The following ADGRG6 variants were observed in gnomAD, a reference collection of about 807,000 sequenced individuals.
ADGRG6 encodes adhesion G protein-coupled receptor G6.
Under a neutral mutation model 142.4 loss-of-function variants are expected in ADGRG6, and 84 were observed. The ratio of observed to expected loss-of-function variants is 0.59; its 90% confidence interval spans 0.49 to 0.71. ADGRG6 has a LOEUF of 0.71. Ranked by LOEUF, ADGRG6 falls within the 30% of genes least tolerant of loss-of-function variation. The probability of loss-of-function intolerance (pLI) is 0.00; values close to 1 mark genes in which losing one functional copy is unlikely to be tolerated. For missense variants in ADGRG6, 1,367 were observed against 1,466.6 expected (o/e 0.93, Z 1.11); for synonymous variants, 521 against 520.5 (o/e 1.00, Z -0.01).
intron 9 of ADGRG6, 143 bp downstream of exon 9, chr6:142,394,101 C>A (rs1775048682): frequency 1.8e-6 from 1 of 556,556 alleles, no homozygotes; most frequent in East Asian, 2.9e-5. Context: ...CTGTACACTA[C>A]TTTTTTCTTG....
intron 21 of ADGRG6, 109 bp from the exon 22 acceptor site, chr6:142,419,712 G>C (rs1776559733): frequency 1.3e-6 from 1 of 771,450 alleles, no homozygotes; most frequent in South Asian, 1.9e-5. Flanking sequence ...GCTTTCTAAA[G>C]ACATTTGAGA....
intron 22 of ADGRG6, among the ~76,000 whole-genome samples, chr6:142,435,996 T>A (rs941836968): frequency 6.6e-6 from 1 of 151,930 alleles, no homozygotes; most frequent in Non-Finnish European, 1.5e-5. Flanking sequence ...GATGTGTGTG[T>A]GTTTGAGGGT....
intron 24 of ADGRG6, among the ~76,000 whole-genome samples, chr6:142,440,530 A>G (rs909981029): frequency 2.0e-5 from 3 of 152,152 alleles, no homozygotes; most frequent in Non-Finnish European, 4.4e-5. Flanking sequence ...TCCTGGGCTC[A>G]AGGAATTTTC....
Position 142,411,249 on chromosome 6 carries a change from TTA to T in ADGRG6, c.2435-53_2435-52del. The T allele has an allele frequency of 4.4e-6, 4 of 910,248 alleles. No homozygotes were observed. The South Asian group carries it at 5.2e-5, about 12-fold the overall frequency. The allele number at this position is 910,248 out of a possible 1,614,324, so 56.4% of individuals were successfully genotyped here. On this transcript the variant is annotated intron_variant, in intron 17 of 24. Coordinates refer to ENST00000367609, the MANE Select transcript of ADGRG6 (RefSeq NM_198569.3). ...ATTTCTCTATAGAAGGTCTCATCCA[TTA>T]TAGAGAAGAAACTGACCTGCTGTTT...
chr6:142,393,963 C>G lies in ADGRG6; in HGVS notation c.1424+5C>G, dbSNP rs769717686. 139 of 1,519,674 alleles carry G rather than the reference C, an allele frequency of 9.1e-5. 1 individual carries two copies. The highest frequency in any genetic ancestry group is 9.0e-7 in the Non-Finnish European group (1 of 1,113,822). The allele number at this position is 1,519,674 out of a possible 1,614,324, so 94.1% of individuals were successfully genotyped here. A position where few individuals can be genotyped will look rare whatever the true frequency, so the allele number is the denominator to read the frequency against. On this transcript the variant is annotated splice_donor_5th_base_variant and intron_variant, in intron 9 of 24. Coordinates refer to ENST00000367609, the MANE Select transcript of ADGRG6 (RefSeq NM_198569.3). Reference sequence around the variant, plus strand: ...AAGCCTTGAGGATGAGCCAAGGTAACAGGACAAAGTATTGTAAAGAGTATA... The same window carrying G: ...AAGCCTTGAGGATGAGCCAAGGTAAGAGGACAAAGTATTGTAAAGAGTATA...
chr6:142,338,044 G>A (rs1303099210), intron 2 of ADGRG6, among the ~76,000 whole-genome samples: 5 of 2,204 alleles, frequency 2.3e-3, no homozygotes, highest in Admixed American at 0.011. Flanking sequence ...TTTTTGAGAC[G>A]GAGTCTCGCT....
intron 2 of ADGRG6, among the ~76,000 whole-genome samples, chr6:142,335,598 G>A (rs1348966523): frequency 2.6e-5 from 4 of 152,098 alleles, no homozygotes; most frequent in Non-Finnish European, 4.4e-5. Flanking sequence ...AGTGGTGCAT[G>A]GAACAGAGGT....
intron 2 of ADGRG6, among the ~76,000 whole-genome samples, chr6:142,328,046 C>A (rs771063462): frequency 3.9e-5 from 6 of 152,080 alleles, no homozygotes; most frequent in Middle Eastern, 3.4e-3. Flanking sequence ...AAGTGCCAGC[C>A]CTATGGGAAA....
intron 11 of ADGRG6, among the ~76,000 whole-genome samples, chr6:142,401,199 T>C (rs1775505367): frequency 6.6e-6 from 1 of 152,210 alleles, no homozygotes; most frequent in Admixed American, 6.5e-5. Flanking sequence ...CTTTGCATAC[T>C]ATAAATATTG....
In ADGRG6 at chr6:142,337,435, A is replaced by C. The variant is rs537401765; in HGVS notation, c.103+27791A>C. Among the ~76,000 whole-genome samples the C allele has an allele frequency of 1.9e-4, 29 of 152,312 alleles. No homozygotes were observed. The South Asian group carries it at 5.6e-3, about 29-fold the overall frequency. Reference sequence around the variant, plus strand: ...GTGCTGCACTGGGACTCAAGCTATGAAACCAAAACAAACCAGAAAAATGGC... The same window carrying C: ...GTGCTGCACTGGGACTCAAGCTATGCAACCAAAACAAACCAGAAAAATGGC... On this transcript the variant is annotated intron_variant, in intron 2 of 24. Transcript: ENST00000367609.
intron 18 of ADGRG6, among the ~76,000 whole-genome samples, chr6:142,412,036 C>A (rs969526072): frequency 1.3e-5 from 2 of 152,052 alleles, no homozygotes; most frequent in African/African-American, 4.8e-5. Flanking sequence ...CTTCCATGCC[C>A]CTGTTTTATC....
At chr6:142,348,273 A>G (rs571782382) in intron 2 of ADGRG6, among the ~76,000 whole-genome samples, 1 of 152,326 alleles carries the variant, frequency 6.6e-6, no homozygotes, top group East Asian at 1.9e-4. Flanking sequence ...AATACATCAA[A>G]GGGAATATGA....
chr6:142,318,093 T>G (rs369320643), intron 2 of ADGRG6, among the ~76,000 whole-genome samples: 2 of 1,924 alleles, frequency 1.0e-3, no homozygotes, highest in African/African-American at 5.0e-3. Context: ...ATATTTATAT[T>G]ATATATATTT....
At chr6:142,434,410 C>T (rs888633700) in intron 22 of ADGRG6, among the ~76,000 whole-genome samples, 14 of 151,886 alleles carry the variant, frequency 9.2e-5, no homozygotes, top group African/African-American at 2.9e-4. Flanking sequence ...CTGCAACCTC[C>T]GCCTCCCGAG....
intron 4 of ADGRG6, among the ~76,000 whole-genome samples, chr6:142,378,838 T>G (rs1781617749): frequency 6.6e-6 from 1 of 152,250 alleles, no homozygotes; most frequent in African/African-American, 2.4e-5. Flanking sequence ...GTATTCTTGA[T>G]ATTGTCACAC....
rs749092234 is a variant in ADGRG6 at position 142,341,808 on chromosome 6, A to C, written c.104-25761A>C. On this transcript the variant is annotated intron_variant, in intron 2 of 24. Coordinates refer to ENST00000367609, the MANE Select transcript of ADGRG6 (RefSeq NM_198569.3). ...TAAATTGTAAAATTAGACAGTCACTATATGCTGTCTCATTCTGTACCAATT... is the reference window on the plus strand; with the variant it reads ...TAAATTGTAAAATTAGACAGTCACTCTATGCTGTCTCATTCTGTACCAATT... 2.7e-5 allele frequency among the ~76,000 whole-genome samples: 4 copies of C among 150,654 alleles called. No homozygotes were observed. In the East Asian group the frequency reaches 7.8e-4, roughly 29 times the overall value.
chr6:142,325,595 A>G (rs1778735263), intron 2 of ADGRG6, among the ~76,000 whole-genome samples: 1 of 152,136 alleles, frequency 6.6e-6, no homozygotes, highest in African/African-American at 2.4e-5. Context: ...TTAAAGACCA[A>G]ATATTTCTAC....
intron 22 of ADGRG6, among the ~76,000 whole-genome samples, chr6:142,436,738 G>A (rs565248411): frequency 1.1e-4 from 16 of 152,308 alleles, no homozygotes; most frequent in African/African-American, 3.6e-4. Context: ...AAATGCGGAA[G>A]CAAATGCCCT....
At chr6:142,309,366 A>T (rs1777647843) in intron 1 of ADGRG6, among the ~76,000 whole-genome samples, 178 bp from the exon 2 acceptor site, 1 of 151,908 alleles carries the variant, frequency 6.6e-6, no homozygotes, top group South Asian at 2.1e-4. Context: ...TCTTTTGCTA[A>T]TTAGCTTGAA....
Sources: allele counts gnomAD v4.1 joint callset (sites outside exome capture counted in the v4.1 genomes callset), GRCh38; gene constraint gnomAD v4.1.1; transcripts MANE v1.5; gene names NCBI Gene and HGNC (gene_info 2026-07-23, HGNC 2026-07-21).